Variants in EPB41L4B observed in about 807,000 individuals in gnomAD.
EPB41L4B encodes the protein band 4.1-like protein 4B.
A neutral mutation model predicts 112.5 loss-of-function variants in EPB41L4B; 30 were observed. The observed-to-expected ratio is 0.27, with a 90% confidence interval of 0.20 to 0.36. EPB41L4B has a LOEUF of 0.36. Among genes scored for constraint, EPB41L4B ranks in the 10% least tolerant of loss-of-function variants. EPB41L4B has a pLI of 1.00. For synonymous variants in EPB41L4B, 408 were observed against 439.7 expected, an observed-to-expected ratio of 0.93 and a Z score of 0.90; for missense variants, 1,024 against 1,133.3, an observed-to-expected ratio of 0.90 and a Z score of 1.38.
In EPB41L4B at chr9:109,243,693, A is replaced by G; in HGVS notation, c.1345-11T>C. 1 of 1,613,748 alleles carries G rather than the reference A, an allele frequency of 6.2e-7. No individual in the cohort carries two copies. Among genetic ancestry groups the G allele is most frequent in the South Asian group, 1.1e-5 (1 of 91,046 alleles). On this transcript the variant is annotated splice_polypyrimidine_tract_variant and intron_variant, in intron 14 of 25. Coordinates refer to ENST00000374566, the MANE Select transcript of EPB41L4B (RefSeq NM_019114.5). Reference sequence around the variant, plus strand: ...AGGATGATATTGAGGCTAGAAATAAAACACCAAACTTGATTATTTGATGAC... The same window carrying G: ...AGGATGATATTGAGGCTAGAAATAAGACACCAAACTTGATTATTTGATGAC...
rs187685496 is a variant in EPB41L4B at position 109,249,373 on chromosome 9, C to T, written c.1311-1584G>A. On this transcript the variant is annotated intron_variant, in intron 13 of 25. Coordinates refer to ENST00000374566, the MANE Select transcript of EPB41L4B (RefSeq NM_019114.5). ...GGAGCCCAGAGCACAATTTCATCCA[C>T]GGCTCCCACAGCAATCCTACTCACC... Among the ~76,000 whole-genome samples the T allele has an allele frequency of 1.6e-3, 241 of 152,166 alleles. 1 individual carries two copies. Among genetic ancestry groups the T allele is most frequent in the African/African-American group, 5.6e-3 (233 of 41,540 alleles).
At chr9:109,276,312 G>C (rs116489521) in intron 2 of EPB41L4B, among the ~76,000 whole-genome samples, 14 of 151,724 alleles carry the variant, frequency 9.2e-5, no homozygotes, top group African/African-American at 2.7e-4. Flanking sequence ...GAAGGGTGAG[G>C]GGGGGGTCAT....
chr9:109,175,468 AACACACACACACACACAC>A (rs59210551), intron 25 of EPB41L4B, among the ~76,000 whole-genome samples: 30 of 129,406 alleles, frequency 2.3e-4, no homozygotes, highest in Middle Eastern at 4.1e-3. Context: ...CCACTGTTTA[AACACACACACACACACAC>A]ACACACACAC....
In EPB41L4B at chr9:109,177,543, C is replaced by T. The variant is rs550322017; in HGVS notation, c.2488-847G>A. ...GAAGATATATAAAAGTAGATCAGGC[C>T]GGGCACGGTGGCTCACACCTGTAAT... is the stretch of plus-strand genomic sequence containing the variant. On this transcript the variant is annotated intron_variant, in intron 24 of 25. Coordinates refer to ENST00000374566, the MANE Select transcript of EPB41L4B (RefSeq NM_019114.5). Among the ~76,000 whole-genome samples the T allele has an allele frequency of 4.6e-4, 70 of 152,150 alleles. 1 individual carries two copies. In the East Asian group the frequency reaches 7.2e-3, roughly 16 times the overall value.
chr9:109,260,936 G>A (rs1302180494), intron 6 of EPB41L4B, among the ~76,000 whole-genome samples: 1 of 152,140 alleles, frequency 6.6e-6, no homozygotes, highest in Non-Finnish European at 1.5e-5. Flanking sequence ...CAACGTACAA[G>A]CTTGCAATAT....
chr9:109,219,042 G>A (rs969116124), intron 15 of EPB41L4B, among the ~76,000 whole-genome samples: 4 of 152,202 alleles, frequency 2.6e-5, no homozygotes, highest in African/African-American at 7.2e-5. Context: ...AAGGGAAAGA[G>A]CATTCGGGGG....
chr9:109,176,043 CA>C (rs1831818563), intron 25 of EPB41L4B, among the ~76,000 whole-genome samples: 1 of 12,368 alleles, frequency 8.1e-5, no homozygotes, highest in African/African-American at 1.0e-3. Context: ...GTCAATATCA[CA>C]CACACGCACA....
At chr9:109,312,377 C>T (rs978338798) in intron 1 of EPB41L4B, among the ~76,000 whole-genome samples, 1 of 152,132 alleles carries the variant, frequency 6.6e-6, no homozygotes, top group Non-Finnish European at 1.5e-5. Flanking sequence ...ATTATGCACT[C>T]GAGTGAAATG....
chr9:109,232,442 A>G (rs3849111), intron 15 of EPB41L4B, among the ~76,000 whole-genome samples: 1 of 151,840 alleles, frequency 6.6e-6, no homozygotes, highest in Non-Finnish European at 1.5e-5. Context: ...TATATGAGAG[A>G]CCCCAAAGGG....
At position 109,264,999 on chromosome 9, in the gene EPB41L4B, G is replaced by T. The variant is rs1835348272; in HGVS notation, c.559C>A (p.His187Asn). ...TRYLFVLQLRHDILSGKLKCP... is the reference protein window; with the variant it reads ...TRYLFVLQLRNDILSGKLKCP... ...ACTTACTTTCCAGAAAGAATGTCATGCCTGAGTTGTAAAACAAACAGGTAC... is the reference window on the plus strand; with the variant it reads ...ACTTACTTTCCAGAAAGAATGTCATTCCTGAGTTGTAAAACAAACAGGTAC... The change falls in exon 5 of 26, where the codon CAT (histidine) becomes AAT (asparagine). Residue 187 changes from histidine to asparagine, a missense_variant. By Grantham distance (68) the His-to-Asn change is moderately conservative. Transcript: ENST00000374566. 4.4e-6 allele frequency: 7 copies of T among 1,608,592 alleles called. No homozygotes were observed. Among genetic ancestry groups the T allele is most frequent in the Non-Finnish European group, 5.9e-6 (7 of 1,178,742 alleles).
At chr9:109,286,269 G>A (rs969961862) in intron 1 of EPB41L4B, among the ~76,000 whole-genome samples, 3 of 152,110 alleles carry the variant, frequency 2.0e-5, no homozygotes, top group African/African-American at 4.8e-5. Flanking sequence ...ATAGATAGCA[G>A]CAGGAGGTGG....
chr9:109,268,594 G>A (rs563810071), intron 2 of EPB41L4B, among the ~76,000 whole-genome samples, 161 bp from the exon 3 acceptor site: 9 of 152,250 alleles, frequency 5.9e-5, no homozygotes, highest in Admixed American at 2.0e-4. Context: ...AACTGCTTGG[G>A]ATGGTATAAA....
chr9:109,297,488 C>T (rs1224488049), intron 1 of EPB41L4B, among the ~76,000 whole-genome samples: 2 of 152,304 alleles, frequency 1.3e-5, no homozygotes, highest in African/African-American at 4.8e-5. Flanking sequence ...TGTCTGTGAA[C>T]GGAGGTGATA....
intron 15 of EPB41L4B, among the ~76,000 whole-genome samples, chr9:109,225,971 A>G (rs1833745834): frequency 6.6e-6 from 1 of 152,174 alleles, no homozygotes; most frequent in African/African-American, 2.4e-5. Flanking sequence ...ACTCATCAGG[A>G]GTTTATGTGT....
chr9:109,319,670 C>T (rs1025387254), intron 1 of EPB41L4B, among the ~76,000 whole-genome samples: 3 of 152,232 alleles, frequency 2.0e-5, no homozygotes, highest in Non-Finnish European at 4.4e-5. Context: ...GCTGTCTCAT[C>T]AAGGCCTGAT....
chr9:109,195,361 G>C (rs1832605327), intron 20 of EPB41L4B, among the ~76,000 whole-genome samples: 1 of 152,236 alleles, frequency 6.6e-6, no homozygotes. Context: ...CAAAGCTGCA[G>C]TGCGGATGGG....
In EPB41L4B at chr9:109,289,468, TGCCA is replaced by T. The variant is rs369717478; in HGVS notation, c.307-9551_307-9548del. Among the ~76,000 whole-genome samples the T allele has an allele frequency of 1.6e-3, 250 of 152,394 alleles. 7 individuals are homozygous for T. In the South Asian group the frequency reaches 0.048, roughly 29 times the overall value. Reference sequence around the variant, plus strand: ...CCTGCCCTATTCATATTTGCTTCTCTGCCAGCTGACATTCTGAGGCTCAATAAAC... The same window carrying T: ...CCTGCCCTATTCATATTTGCTTCTCTGCTGACATTCTGAGGCTCAATAAAC... On this transcript the variant is annotated intron_variant, in intron 1 of 25. Coordinates refer to ENST00000374566, the MANE Select transcript of EPB41L4B (RefSeq NM_019114.5).
chr9:109,236,178 A>G (rs532259382), intron 15 of EPB41L4B, among the ~76,000 whole-genome samples: 1 of 152,308 alleles, frequency 6.6e-6, no homozygotes, highest in South Asian at 2.1e-4. Flanking sequence ...TCCTTCTCCA[A>G]CAGCTGGAAT....
Position 109,243,777 on chromosome 9 carries a change from T to C in EPB41L4B, c.1345-95A>G, listed in dbSNP as rs915559440. The C allele has an allele frequency of 3.2e-6, 4 of 1,239,276 alleles. No individual in the cohort carries two copies. In the African/African-American group the frequency reaches 4.4e-5, roughly 14 times the overall value. 76.8% of individuals were successfully genotyped at this position (1,239,276 alleles called of 1,614,324 possible). A position where few individuals can be genotyped will look rare whatever the true frequency, so the allele number is the denominator to read the frequency against. ...TGTTCCTGGCATCCACCCGAGGGGCTGGGGGACTAAGAATGGAAAGGCTAT... is the reference window on the plus strand; with the variant it reads ...TGTTCCTGGCATCCACCCGAGGGGCCGGGGGACTAAGAATGGAAAGGCTAT... On this transcript the variant is annotated intron_variant, in intron 14 of 25. Transcript: ENST00000374566.
Sources: gnomAD v4.1 joint callset for allele counts (sites outside exome capture counted in the v4.1 genomes callset) on GRCh38, gnomAD v4.1.1 for gene constraint, MANE v1.5 for transcripts, NCBI Gene and HGNC (gene_info 2026-07-23, HGNC 2026-07-21) for gene names.